N4BP2L1: variants seen among roughly 807,000 people sequenced by gnomAD.
The protein encoded by N4BP2L1 is NEDD4-binding protein 2-like 1.
Under a neutral mutation model 21.2 loss-of-function variants are expected in N4BP2L1, and 12 were observed. The observed-to-expected ratio is 0.57, with a 90% CI of 0.36 to 0.92. The LOEUF is 0.92. Ranked by LOEUF, N4BP2L1 falls within the 40% of genes least tolerant of loss-of-function variation. The pLI, the probability that N4BP2L1 is intolerant of heterozygous loss-of-function variation, is 0.01. For missense variants in N4BP2L1, 259 were observed against 310.6 expected (o/e 0.83, Z 1.25); for synonymous variants, 104 against 112.8 (o/e 0.92, Z 0.49).
chr13:32,411,574 C>A, intron 1 of N4BP2L1: 1 of 985,298 alleles, frequency 1.0e-6, no homozygotes, highest in South Asian at 4.7e-5. Flanking sequence ...CCAGTTCTAT[C>A]TTTATGGTGG....
chr13:32,402,457 C>A lies in N4BP2L1; in HGVS notation c.*485G>T. The A allele has an allele frequency of 1.0e-6, 1 of 970,488 alleles. No homozygotes were observed. The highest frequency in any genetic ancestry group is 1.2e-6 in the Non-Finnish European group (1 of 816,358). 60.1% of individuals were successfully genotyped at this position (970,488 alleles called of 1,614,324 possible). A position where few individuals can be genotyped will look rare whatever the true frequency, so the allele number is the denominator to read the frequency against. ...GAAAATCAGTATCATAAGAGTCGCA[C>A]ATCTCACATTTTTAGATACATAGAT... On this transcript the variant is annotated 3_prime_UTR_variant, in exon 5 of 5. Transcript: ENST00000380130.
chr13:32,403,127 G>A lies in N4BP2L1; in HGVS notation c.547C>T (p.His183Tyr). Reference sequence around the variant, plus strand: ...GGCTTTTCTGCATGAAGCACACTGTGAAAAGTAACATCGTGTTCATACCGT... The same window carrying A: ...GGCTTTTCTGCATGAAGCACACTGTAAAAAGTAACATCGTGTTCATACCGT... ...KERYEHDVTF[H>Y]SVLHAEKPSR... Residue 183 changes from histidine (H) to tyrosine (Y), a missense_variant, in exon 5 of 5, where the codon CAC (histidine) becomes TAC (tyrosine). By Grantham distance (83) the His-to-Tyr change is moderately conservative (BLOSUM62 2). Transcript: ENST00000380130. 6.2e-7 allele frequency: 1 copy of A among 1,614,032 alleles called. No homozygotes were observed. The highest frequency in any genetic ancestry group is 1.1e-5 in the South Asian group (1 of 91,074).
chr13:32,406,544 A>G (rs954809681), intron 3 of N4BP2L1: 1 of 152,030 alleles, frequency 6.6e-6, no homozygotes. Flanking sequence ...ATCTCAGGTC[A>G]CTGCAACCTC....
At chr13:32,426,609 A>G (rs2074778247) in intron 1 of N4BP2L1, among the ~76,000 whole-genome samples, 1 of 152,174 alleles carries the variant, frequency 6.6e-6, no homozygotes, top group South Asian at 2.1e-4. Flanking sequence ...TAAGGTCACT[A>G]TCTCGGCACC....
intron 1 of N4BP2L1, chr13:32,420,298 C>G (rs972685543): frequency 1.3e-5 from 2 of 152,286 alleles, no homozygotes; most frequent in Non-Finnish European, 2.9e-5. Context: ...CACAGCTGTG[C>G]AGGTTTCACC....
In N4BP2L1 at chr13:32,415,524, T is replaced by C. The variant is rs2074088972; in HGVS notation, c.180-7752A>G. Among the ~76,000 whole-genome samples the C allele has an allele frequency of 2.0e-5, 3 of 152,352 alleles. No homozygotes were observed. The South Asian group carries it at 6.2e-4, about 32-fold the overall frequency. On this transcript the variant is annotated intron_variant, in intron 1 of 4. Transcript: ENST00000380130. ...TTTTCACATTTGTCTTCTACATTAT[T>C]GTTTGATTTTCTGCATTGTGACTCT...
At chr13:32,426,111 G>C (rs538986051) in intron 1 of N4BP2L1, among the ~76,000 whole-genome samples, 1 of 152,188 alleles carries the variant, frequency 6.6e-6, no homozygotes, top group African/African-American at 2.4e-5. Flanking sequence ...CTTCACAGAT[G>C]AGGAATGTGA....
intron 1 of N4BP2L1, among the ~76,000 whole-genome samples, chr13:32,417,414 CT>C (rs1368501432): frequency 1.3e-5 from 2 of 149,472 alleles, no homozygotes; most frequent in African/African-American, 2.6e-5. Context: ...AGCACTTCTC[CT>C]TGCTGTCACC....
Position 32,407,350 on chromosome 13 carries a change from T to C in N4BP2L1, c.308-12A>G, listed in dbSNP as rs374329923. The C allele has an allele frequency of 1.2e-4, 188 of 1,614,050 alleles. No homozygotes were observed. The highest frequency in any genetic ancestry group is 1.8e-4 in the South Asian group (16 of 91,082). ...CATTGCTTTTCTTGCTGCAACACAA[T>C]GTTACATAACAGTGAACAACATGCA... On this transcript the variant is annotated splice_polypyrimidine_tract_variant and intron_variant, in intron 2 of 4. Transcript: ENST00000380130.
At chr13:32,427,807 A>T (rs1417346226) in intron 1 of N4BP2L1, 97 bp downstream of exon 1, 14 of 788,032 alleles carry the variant, frequency 1.8e-5, no homozygotes, top group Non-Finnish European at 2.4e-5. Context: ...GCGGGGGCGC[A>T]AGCGGCGCCC....
chr13:32,407,970 G>A (rs781108481), intron 1 of N4BP2L1, among the ~76,000 whole-genome samples, 198 bp from the exon 2 acceptor site: 5 of 152,166 alleles, frequency 3.3e-5, no homozygotes, highest in Admixed American at 6.5e-5. Flanking sequence ...GATGGGAGAG[G>A]GCTGAGAGGC....
chr13:32,426,489 C>T (rs1002903714), intron 1 of N4BP2L1, among the ~76,000 whole-genome samples: 1 of 152,186 alleles, frequency 6.6e-6, no homozygotes, highest in Non-Finnish European at 1.5e-5. Flanking sequence ...TGCCCACGGT[C>T]CTCCAGAAGT....
rs2073443786 is a variant in N4BP2L1, at chr13:32,405,801, G to A, written c.397-1404C>T. 4.6e-5 allele frequency among the ~76,000 whole-genome samples: 7 copies of A among 151,564 alleles called. No homozygotes were observed. In the South Asian group the frequency reaches 1.5e-3, roughly 32 times the overall value. On this transcript the variant is annotated intron_variant, in intron 3 of 4. Coordinates refer to ENST00000380130, the MANE Select transcript of N4BP2L1 (RefSeq NM_052818.3). ...GATGTAAAAAGAAGCCTAAAATCGT[G>A]AGCCCAGTCTGGACCTATTCACTTC...
chr13:32,404,053 TGAA>T, intron 4 of N4BP2L1: 5 of 1,107,416 alleles, frequency 4.5e-6, no homozygotes, highest in Non-Finnish European at 6.3e-6. Flanking sequence ...TGTTCCTTGA[TGAA>T]GAAGCATTTT....
At chr13:32,428,208 C>G, upstream of N4BP2L1, 2 of 968,800 alleles carry the variant, frequency 2.1e-6, no homozygotes, top group Non-Finnish European at 2.8e-6. Context: ...GGGAGCCCAG[C>G]CCCTCCTTTC....
At chr13:32,415,836 C>T (rs2074106671) in intron 1 of N4BP2L1, 1 of 152,162 alleles carries the variant, frequency 6.6e-6, no homozygotes, top group Admixed American at 6.5e-5. Flanking sequence ...ATTCAACCAA[C>T]CCCCACTTTA....
At chr13:32,419,094 G>A (rs1404606341) in intron 1 of N4BP2L1, among the ~76,000 whole-genome samples, 1 of 152,004 alleles carries the variant, frequency 6.6e-6, no homozygotes, top group Non-Finnish European at 1.5e-5. Flanking sequence ...GAGGAGCCAG[G>A]GGCAGTCCCC....
In N4BP2L1 at chr13:32,407,633, G is replaced by A. The variant is rs2073608372; in HGVS notation, c.307+12C>T. On this transcript the variant is annotated intron_variant, in intron 2 of 4. Transcript: ENST00000380130. ...TCAGGGTTTCCCAGGAGTTTGGGAA[G>A]GAATTTGTCACCTCTTTTTTGGTTC... The A allele has an allele frequency of 1.2e-6, 2 of 1,612,304 alleles. No homozygotes were observed. Among genetic ancestry groups the A allele is most frequent in the African/African-American group, 2.7e-5 (2 of 74,910 alleles).
At position 32,424,450 on chromosome 13, in the gene N4BP2L1, C is replaced by T. The variant is rs532875994; in HGVS notation, c.179+3454G>A. Among the ~76,000 whole-genome samples, 4 of 152,356 alleles carry T rather than the reference C, an allele frequency of 2.6e-5. No individual in the cohort carries two copies. In the South Asian group the frequency reaches 6.2e-4, roughly 24 times the overall value. On this transcript the variant is annotated intron_variant, in intron 1 of 4. Coordinates refer to ENST00000380130, the MANE Select transcript of N4BP2L1 (RefSeq NM_052818.3). ...AGATGCCACTCCCCACTGGCCCTTA[C>T]CCACAGCAGTGGGCTGATTATGTCT...
Sources: allele counts gnomAD v4.1 joint callset (sites outside exome capture counted in the v4.1 genomes callset), GRCh38; gene constraint gnomAD v4.1.1; transcripts MANE v1.5; gene names NCBI Gene and HGNC (gene_info 2026-07-23, HGNC 2026-07-21).